The following TULP4 variants were observed in gnomAD, a reference collection of about 807,000 sequenced individuals.
TULP4 encodes the protein tubby-related protein 4.
In TULP4, 16 loss-of-function variants were observed where a neutral mutation model predicts 129.0. The ratio of observed to expected loss-of-function variants is 0.12; its 90% confidence interval spans 0.08 to 0.19. The LOEUF is 0.19. TULP4 is among the 10% of genes least tolerant of loss of function. The pLI, the probability that TULP4 is intolerant of heterozygous loss-of-function variation, is 1.00. For missense variants in TULP4, 1,842 were observed against 2,059.1 expected, an observed-to-expected ratio of 0.89 and a Z score of 2.04; for synonymous variants, 998 against 854.0, an observed-to-expected ratio of 1.17 and a Z score of -2.94.
chr6:158,345,083 T>G (rs1780268937), intron 1 of TULP4, among the ~76,000 whole-genome samples: 1 of 152,250 alleles, frequency 6.6e-6, no homozygotes, highest in African/African-American at 2.4e-5. Flanking sequence ...TCTCTTTAAT[T>G]CTGTGAAGGC....
intron 1 of TULP4, among the ~76,000 whole-genome samples, chr6:158,300,034 G>A (rs1779105534): frequency 6.6e-6 from 1 of 152,194 alleles, no homozygotes; most frequent in African/African-American, 2.4e-5. Flanking sequence ...TGCCATTAGG[G>A]AGGATTGAAC....
chr6:158,265,040 C>T (rs574190317), intron 1 of TULP4, among the ~76,000 whole-genome samples: 1 of 152,338 alleles, frequency 6.6e-6, no homozygotes, highest in African/African-American at 2.4e-5. Context: ...TAACAGGGCA[C>T]ACCTTTTAGC....
chr6:158,457,420 G>C (rs928546855), intron 5 of TULP4, among the ~76,000 whole-genome samples: 1 of 152,174 alleles, frequency 6.6e-6, no homozygotes, highest in Non-Finnish European at 1.5e-5. Flanking sequence ...GGGAGGGTTA[G>C]GCTCTGATTT....
chr6:158,289,215 G>A (rs1778886515), intron 1 of TULP4, among the ~76,000 whole-genome samples: 3 of 152,070 alleles, frequency 2.0e-5, no homozygotes, highest in Non-Finnish European at 4.4e-5. Flanking sequence ...GTTGTTCATG[G>A]TATTATTTTA....
intron 1 of TULP4, among the ~76,000 whole-genome samples, chr6:158,245,558 C>T (rs565290422): frequency 5.7e-4 from 87 of 152,130 alleles, no homozygotes; most frequent in African/African-American, 1.9e-3. Context: ...GCAAAGTGTG[C>T]ATAGCCTTCT....
intron 1 of TULP4, among the ~76,000 whole-genome samples, chr6:158,348,173 G>GTTTTTTTTTTTTGTTTTTTTGTT (rs1780360145): frequency 2.7e-5 from 3 of 112,172 alleles, no homozygotes; most frequent in African/African-American, 7.6e-5. Context: ...TTTTTTTAAG[G>GTTTTTTTTTTTTGTTTTTTTGTT]TTTTTTTTTT....
chr6:158,475,058 A>C (rs1779787205), intron 6 of TULP4, among the ~76,000 whole-genome samples: 1 of 152,268 alleles, frequency 6.6e-6, no homozygotes, highest in South Asian at 2.1e-4. Flanking sequence ...CAGTAGATAA[A>C]AAAATGATTG....
At chr6:158,312,385 C>T (rs1325113267), upstream of TULP4, 4 of 347,216 alleles carry the variant, frequency 1.2e-5, no homozygotes, top group African/African-American at 2.1e-5. Context: ...AAAAAATTTG[C>T]GCAGATTAAA....
chr6:158,303,705 C>A (rs1779166697), intron 1 of TULP4, among the ~76,000 whole-genome samples: 1 of 150,988 alleles, frequency 6.6e-6, no homozygotes, highest in South Asian at 2.1e-4. Flanking sequence ...TGAGCACTCA[C>A]AGACAATGTG....
At chr6:158,360,253 C>G (rs1223656695) in intron 1 of TULP4, among the ~76,000 whole-genome samples, 1 of 152,138 alleles carries the variant, frequency 6.6e-6, no homozygotes, top group Non-Finnish European at 1.5e-5. Context: ...TGTACAGTGT[C>G]ACTCCGGGTG....
At chr6:158,242,392 C>T (rs897052807) in intron 1 of TULP4, 87 of 1,458,072 alleles carry the variant, frequency 6.0e-5, no homozygotes, top group Non-Finnish European at 1.8e-5. Context: ...TTCCTCTCCT[C>T]ATCATAAGCA....
chr6:158,239,451 G>A (rs1583664510), intron 1 of TULP4, among the ~76,000 whole-genome samples: 1 of 66,658 alleles, frequency 1.5e-5, no homozygotes, highest in East Asian at 6.2e-4. Flanking sequence ...GCGGCTGGCC[G>A]GGTGGGGGGC....
At chr6:158,433,147 G>A (rs762882900) in intron 3 of TULP4, among the ~76,000 whole-genome samples, 1 of 152,090 alleles carries the variant, frequency 6.6e-6, no homozygotes, top group Non-Finnish European at 1.5e-5. Flanking sequence ...ACAGTTTCCC[G>A]TTTTTTAAAT....
intron 1 of TULP4, among the ~76,000 whole-genome samples, chr6:158,269,674 A>C (rs539294894): frequency 7.5e-4 from 115 of 152,346 alleles, no homozygotes; most frequent in African/African-American, 2.5e-3. Context: ...CCAGATTTTA[A>C]ACATTGCTTA....
Position 158,502,242 on chromosome 6 carries a change from C to T in TULP4, c.2579C>T (p.Pro860Leu), listed in dbSNP as rs1582884492. 6.3e-7 allele frequency: 1 copy of T among 1,591,854 alleles called. No individual in the cohort carries two copies. Among genetic ancestry groups the T allele is most frequent in the Non-Finnish European group, 8.6e-7 (1 of 1,164,694 alleles). ...CCCCCTCTGCCGCCCCCACAGCCCC[C>T]AGTGGATGTGTGCTTGAAGAAGGGC... ...PPPPLPPPQPPVDVCLKKGDF... is the reference protein window; with the variant it reads ...PPPPLPPPQPLVDVCLKKGDF... Residue 860 changes from proline (P) to leucine (L), a missense_variant, in exon 13 of 14, where the codon CCA becomes CTA. Physicochemically the swap from Pro to Leu is moderately conservative, Grantham distance 98. Transcript: ENST00000367097.
At chr6:158,450,926 ATG>A (rs1779150817) in intron 4 of TULP4, among the ~76,000 whole-genome samples, 1 of 152,208 alleles carries the variant, frequency 6.6e-6, no homozygotes, top group East Asian at 1.9e-4. Flanking sequence ...TTAGCCAAGC[ATG>A]GTGGTGGGCA....
chr6:158,498,586 G>C, intron 11 of TULP4, 83 bp from the exon 12 acceptor site: 1 of 1,552,396 alleles, frequency 6.4e-7, no homozygotes, highest in Non-Finnish European at 8.8e-7. Context: ...ACTGCAGTGC[G>C]CTCTTCTTCC....
At chr6:158,386,679 T>C (rs62437408) in intron 1 of TULP4, among the ~76,000 whole-genome samples, 27,528 of 152,244 alleles carry the variant, frequency 0.18, 3,154 homozygotes, top group Non-Finnish European at 0.26. Flanking sequence ...TATACCATAG[T>C]GTTTAAGTAC....
Position 158,502,565 on chromosome 6 carries a change from C to T in TULP4, c.2902C>T (p.Leu968=). Residue 968 remains leucine, a synonymous_variant, in exon 13 of 14, where the codon CTG becomes TTG. Coordinates refer to ENST00000367097, the MANE Select transcript of TULP4 (RefSeq NM_020245.5). ...CCCGTATCCTGAAATTGCCAGCCAG[C>T]TGGCCCAGGGGCGGGGGGCTGCCCA... The part of the protein sequence containing the change: ...PPPYPEIASQ[L]AQGRGAAQRS... 1.9e-6 allele frequency: 3 copies of T among 1,606,346 alleles called. No homozygotes were observed. Among genetic ancestry groups the T allele is most frequent in the Non-Finnish European group, 2.5e-6 (3 of 1,179,890 alleles).
Sources: allele counts gnomAD v4.1 joint callset (sites outside exome capture counted in the v4.1 genomes callset), GRCh38; gene constraint gnomAD v4.1.1; transcripts MANE v1.5; gene names NCBI Gene and HGNC (gene_info 2026-07-23, HGNC 2026-07-21).